OTOP3: variants seen among roughly 807,000 people sequenced by gnomAD.
The protein encoded by OTOP3 is proton channel OTOP3.
Under a neutral mutation model 50.8 loss-of-function variants are expected in OTOP3, and 41 were observed. The observed-to-expected ratio is 0.81, with a 90% confidence interval of 0.63 to 1.05. The LOEUF is 1.05. OTOP3 is among the 50% of genes least tolerant of loss of function. The pLI is 0.00. For synonymous variants in OTOP3, 320 were observed against 324.4 expected, an observed-to-expected ratio of 0.99 and a Z score of 0.14; for missense variants, 788 against 760.8, an observed-to-expected ratio of 1.04 and a Z score of -0.42.
chr17:74,946,552 C>T lies in OTOP3; in HGVS notation c.752-109C>T, dbSNP rs1024821068. ...ACATTGGTAAAATGAGCGGCTGGGT[C>T]GCTTTCAGCTCTAGTGTATTCCAGG... On this transcript the variant is annotated intron_variant, in intron 5 of 6. Coordinates refer to ENST00000328801, the MANE Select transcript of OTOP3 (RefSeq NM_001272005.2). 28 of 926,046 alleles carry T rather than the reference C, an allele frequency of 3.0e-5. No homozygotes were observed. In the East Asian group the frequency reaches 6.0e-4, roughly 20 times the overall value. 57.4% of individuals were successfully genotyped at this position (926,046 alleles called of 1,614,324 possible).
At chr17:74,947,595 G>C (rs547014460) in intron 6 of OTOP3, 120 bp downstream of exon 6, 3 of 1,023,762 alleles carry the variant, frequency 2.9e-6, no homozygotes, top group East Asian at 5.2e-5. Context: ...TGCTGCTTGA[G>C]AGTGTCCCCC....
chr17:74,947,435 T>G lies in OTOP3; in HGVS notation c.1526T>G (p.Leu509Arg). 6.2e-7 allele frequency: 1 copy of G among 1,610,804 alleles called. No homozygotes were observed. Among genetic ancestry groups the G allele is most frequent in the Non-Finnish European group, 8.5e-7 (1 of 1,178,538 alleles). Residue 509 changes from leucine (L) to arginine (R), a missense_variant, in exon 6 of 7, where the codon CTC (leucine) becomes CGC (arginine). Transcript: ENST00000328801. Reference sequence around the variant, plus strand: ...CACCTCAACTGGAAGCGGAGGGCACTCAAGGAGATCTCACTCTTCCTCATC... The same window carrying G: ...CACCTCAACTGGAAGCGGAGGGCACGCAAGGAGATCTCACTCTTCCTCATC... Reference protein sequence around the residue: ...YSHLNWKRRALKEISLFLILC... With the variant: ...YSHLNWKRRARKEISLFLILC...
intron 1 of OTOP3, among the ~76,000 whole-genome samples, chr17:74,936,778 T>G (rs556727239): frequency 6.6e-6 from 1 of 152,136 alleles, no homozygotes; most frequent in Non-Finnish European, 1.5e-5. Flanking sequence ...ATTTCACCAG[T>G]AATCCCGACC....
At chr17:74,947,936 G>A (rs889960314) in intron 6 of OTOP3, among the ~76,000 whole-genome samples, 4 of 152,188 alleles carry the variant, frequency 2.6e-5, no homozygotes, top group Non-Finnish European at 5.9e-5. Context: ...TTTCACAGAG[G>A]AGGAAACTAA....
At chr17:74,943,414 C>CCG in intron 4 of OTOP3, 70 bp downstream of exon 4, 1 of 1,541,984 alleles carries the variant, frequency 6.5e-7, no homozygotes, top group Non-Finnish European at 9.0e-7. Context: ...GTCAGGGTGG[C>CCG]CGCGGGGCTA....
chr17:74,947,531 A>C (rs968188940), intron 6 of OTOP3, 56 bp downstream of exon 6: 14 of 1,454,116 alleles, frequency 9.6e-6, no homozygotes, highest in Non-Finnish European at 1.3e-5. Flanking sequence ...AGACCCAGAA[A>C]GCCTCACTCA....
At chr17:74,947,679 G>A (rs149192890) in intron 6 of OTOP3, among the ~76,000 whole-genome samples, 86 of 152,338 alleles carry the variant, frequency 5.6e-4, no homozygotes, top group African/African-American at 1.8e-3. Flanking sequence ...AAACAAATAT[G>A]TAAGACATCC....
At chr17:74,943,212 A>G in intron 3 of OTOP3, 74 bp from the exon 4 acceptor site, 3 of 1,318,312 alleles carry the variant, frequency 2.3e-6, no homozygotes, top group Non-Finnish European at 3.3e-6. Flanking sequence ...AAATACACGC[A>G]TGCGCCCCAG....
chr17:74,948,198 G>A (rs2039247303), intron 6 of OTOP3, among the ~76,000 whole-genome samples: 1 of 152,122 alleles, frequency 6.6e-6, no homozygotes, highest in South Asian at 2.1e-4. Context: ...GTAGAATTTG[G>A]ACAGGAAGGT....
At chr17:74,945,018 G>T (rs571174934) in intron 5 of OTOP3, among the ~76,000 whole-genome samples, 68 of 151,930 alleles carry the variant, frequency 4.5e-4, no homozygotes, top group African/African-American at 1.6e-3. Context: ...TGAAATCATA[G>T]CTCACTACAG....
intron 6 of OTOP3, among the ~76,000 whole-genome samples, chr17:74,948,290 G>A (rs1049479738): frequency 2.0e-5 from 3 of 152,316 alleles, no homozygotes; most frequent in South Asian, 2.1e-4. Context: ...TTGGGAGGCC[G>A]AGGGAGGAGG....
At chr17:74,948,720 C>T (rs930140376) in intron 6 of OTOP3, among the ~76,000 whole-genome samples, 3 of 151,630 alleles carry the variant, frequency 2.0e-5, no homozygotes, top group African/African-American at 7.3e-5. Context: ...TGCCTGTAGT[C>T]CCAGCTACTT....
chr17:74,946,058 A>G (rs1342742569), intron 5 of OTOP3, among the ~76,000 whole-genome samples: 1 of 151,618 alleles, frequency 6.6e-6, no homozygotes, highest in Non-Finnish European at 1.5e-5. Context: ...GCTCACTGCA[A>G]CCTCTGCCTC....
At chr17:74,942,746 C>T (rs897266266) in intron 3 of OTOP3, among the ~76,000 whole-genome samples, 2 of 151,962 alleles carry the variant, frequency 1.3e-5, no homozygotes, top group African/African-American at 4.8e-5. Flanking sequence ...CTGAGACCAT[C>T]CTGGCTAACA....
chr17:74,946,711 T>C lies in OTOP3; in HGVS notation c.802T>C (p.Phe268Leu), dbSNP rs757862138. 3.7e-6 allele frequency: 6 copies of C among 1,612,868 alleles called. No homozygotes were observed. In the African/African-American group the frequency reaches 8.0e-5, roughly 22 times the overall value. ...LCLNATACEA[F>L]RRGFLMLYPF... ...CCTCAATGCCACCGCGTGTGAAGCT[T>C]TCCGGAGAGGCTTCCTGATGCTCTA... Residue 268 changes from phenylalanine (F) to leucine (L), a missense_variant, in exon 6 of 7, where the codon TTC becomes CTC. Physicochemically the swap from Phe to Leu is conservative, Grantham distance 22. Coordinates refer to ENST00000328801, the MANE Select transcript of OTOP3 (RefSeq NM_001272005.2).
chr17:74,948,325 A>G (rs1253183363), intron 6 of OTOP3, among the ~76,000 whole-genome samples: 1 of 151,994 alleles, frequency 6.6e-6, no homozygotes, highest in African/African-American at 2.4e-5. Context: ...GGAGTTTAAG[A>G]CCAACCTGGG....
At position 74,949,716 on chromosome 17, in the gene OTOP3, C is replaced by T; in HGVS notation, c.*300C>T. 1 of 362,538 alleles carries T rather than the reference C, an allele frequency of 2.8e-6. No individual in the cohort carries two copies. The highest frequency in any genetic ancestry group is 2.1e-5 in the African/African-American group (1 of 48,178). 22.5% of individuals were successfully genotyped at this position (362,538 alleles called of 1,614,324 possible). A position where few individuals can be genotyped will look rare whatever the true frequency, so the allele number is the denominator to read the frequency against. Reference sequence around the variant, plus strand: ...CAGGAGGCTGGCAGGGGCCCCCTCACGGCTACTCTGTGGGAGGGTCAGACC... The same window carrying T: ...CAGGAGGCTGGCAGGGGCCCCCTCATGGCTACTCTGTGGGAGGGTCAGACC... On this transcript the variant is annotated 3_prime_UTR_variant, in exon 7 of 7. Coordinates refer to ENST00000328801, the MANE Select transcript of OTOP3 (RefSeq NM_001272005.2).
At chr17:74,937,702 C>T (rs2039132910) in intron 1 of OTOP3, among the ~76,000 whole-genome samples, 1 of 152,184 alleles carries the variant, frequency 6.6e-6, no homozygotes, top group Non-Finnish European at 1.5e-5. Context: ...AGTCAGTGGG[C>T]AATCACTGGG....
At chr17:74,938,015 G>T (rs995226049) in intron 1 of OTOP3, among the ~76,000 whole-genome samples, 2 of 152,134 alleles carry the variant, frequency 1.3e-5, no homozygotes, top group Non-Finnish European at 2.9e-5. Flanking sequence ...TTTCTACCTG[G>T]GCCTGGGTTG....
Sources: allele counts gnomAD v4.1 joint callset (sites outside exome capture counted in the v4.1 genomes callset), GRCh38; gene constraint gnomAD v4.1.1; transcripts MANE v1.5; gene names NCBI Gene and HGNC (gene_info 2026-07-23, HGNC 2026-07-21).